ARHGEF1: variants seen among roughly 807,000 people sequenced by gnomAD.
The protein encoded by ARHGEF1 is Rho guanine nucleotide exchange factor 1, also known as 115 kDa guanine nucleotide exchange factor.
A neutral mutation model predicts 119.7 loss-of-function variants in ARHGEF1; 40 were observed. That is an observed-to-expected ratio of 0.33 (90% CI 0.26 to 0.44). ARHGEF1 has a LOEUF of 0.44. ARHGEF1 is among the 20% of genes least tolerant of loss of function. The probability of loss-of-function intolerance (pLI) is 1.00; values close to 1 mark genes in which losing one functional copy is unlikely to be tolerated. For synonymous variants in ARHGEF1, 494 were observed against 521.0 expected (o/e 0.95, Z 0.71); for missense variants, 976 against 1,268.3 (o/e 0.77, Z 3.50).
rs2074502756 is a variant in ARHGEF1 at position 41,896,830 on chromosome 19, A to ACCTCCCCTC, written c.1121+348_1121+349insCCTCCCCTC. 1.6e-4 allele frequency: 20 copies of ACCTCCCCTC among 128,936 alleles called. 1 individual carries two copies. The African/African-American group carries it at 3.5e-3, about 23-fold the overall frequency. The allele number at this position is 128,936 out of a possible 1,614,324, so 8.0% of individuals were successfully genotyped here. Reference sequence around the variant, plus strand: ...TCCCCTCTCCTCTCTCACCTCCCCCATCCTCTCTCACCTCCCCCCTCCTCT... The same window carrying ACCTCCCCTC: ...TCCCCTCTCCTCTCTCACCTCCCCCACCTCCCCTCTCCTCTCTCACCTCCCCCCTCCTCT... On this transcript the variant is annotated intron_variant, in intron 13 of 28. Transcript: ENST00000354532.
rs2074249865 is a variant in ARHGEF1 at position 41,883,319 on chromosome 19, C to T, written c.-20+30C>T. ...TCGGTCCCCGGCCCCGCCCGGCCTC[C>T]TCCCCTCGGCTGTTGGGGGAAGTGG... On this transcript the variant is annotated intron_variant, in intron 1 of 28. Coordinates refer to ENST00000354532, the MANE Select transcript of ARHGEF1 (RefSeq NM_004706.4). The surrounding 1 kb of genome is among the most constrained non-coding windows in gnomAD (Gnocchi z 7.6). 6.1e-6 allele frequency: 1 copy of T among 164,750 alleles called. No individual in the cohort carries two copies. Among genetic ancestry groups the T allele is most frequent in the Admixed American group, 6.5e-5 (1 of 15,386 alleles). 10.2% of individuals were successfully genotyped at this position (164,750 alleles called of 1,614,324 possible). A position where few individuals can be genotyped will look rare whatever the true frequency, so the allele number is the denominator to read the frequency against.
chr19:41,886,310 G>T (rs1555845243), intron 1 of ARHGEF1, among the ~76,000 whole-genome samples: 1 of 152,202 alleles, frequency 6.6e-6, no homozygotes, highest in East Asian at 1.9e-4. Context: ...TAAGAACTTG[G>T]CAAGTGCACA....
rs1301434164 is a variant in ARHGEF1 at position 41,916,426 on chromosome 19, C to A, written c.1866-6666C>A. 6.6e-6 allele frequency among the ~76,000 whole-genome samples: 1 copy of A among 152,166 alleles called. No individual in the cohort carries two copies. Among genetic ancestry groups the A allele is most frequent in the Non-Finnish European group, 1.5e-5 (1 of 68,040 alleles). ...ACCAACACTGTCACAGTCACACACA[C>A]ACACATCAGCATAGTCACAGATGCA... On this transcript the variant is annotated intron_variant, in intron 18 of 20. Coordinates refer to the ARHGEF1 transcript ENST00000599589. The surrounding 1 kb of genome is among the most constrained non-coding windows in gnomAD (Gnocchi z 5.4).
chr19:41,906,522 G>C lies in ARHGEF1; in HGVS notation c.2557G>C (p.Gly853Arg). The C allele has an allele frequency of 6.3e-7, 1 of 1,580,510 alleles. No individual in the cohort carries two copies. Among genetic ancestry groups the C allele is most frequent in the Non-Finnish European group, 8.5e-7 (1 of 1,171,598 alleles). The change falls in exon 27 of 29, where the codon GGG (glycine) becomes CGG (arginine). Residue 853 changes from glycine to arginine, a missense_variant. Around this residue, in one of 3 missense-constraint regions of ARHGEF1, gnomAD observed 171 missense variants for 180.6 expected, o/e 0.95. Transcript: ENST00000354532. This position sits in a 1 kb window ranked among gnomAD's most constrained non-coding sequence, Gnocchi z 4.5. ...EDNGAGPPRD[G>R]DGVPGGGPLS... ...CAATGGGGCGGGGCCTCCTCGAGAT[G>C]GGGATGGGGTCCCAGGGGGCGGCCC...
At chr19:41,884,468 A>T (rs782345889) in intron 1 of ARHGEF1, 2 of 1,607,124 alleles carry the variant, frequency 1.2e-6, no homozygotes, top group South Asian at 2.2e-5. Context: ...GGTGGCGGCG[A>T]TGGCTTCTCT....
chr19:41,906,724 C>A lies in ARHGEF1; in HGVS notation c.2677C>A (p.Arg893Ser). Residue 893 changes from arginine (R) to serine (S), a missense_variant, in exon 28 of 29, where the codon CGC becomes AGC. Arg to Ser is a moderately radical substitution (Grantham distance 110). Coordinates refer to ENST00000354532, the MANE Select transcript of ARHGEF1 (RefSeq NM_004706.4). This position sits in a 1 kb window ranked among gnomAD's most constrained non-coding sequence, Gnocchi z 4.5. ...QLEELEEEFC[R>S]LRPLLSQLGG... ...CCAGGAGTTGGAGGAGGAATTTTGC[C>A]GCCTGAGACCCCTCCTGTCTCAGCT... The A allele has an allele frequency of 6.2e-7, 1 of 1,609,830 alleles. No individual in the cohort carries two copies. The highest frequency in any genetic ancestry group is 2.2e-5 in the East Asian group (1 of 44,704).
At chr19:41,901,264 C>T (rs1208265979) in intron 14 of ARHGEF1, among the ~76,000 whole-genome samples, 1 of 152,056 alleles carries the variant, frequency 6.6e-6, no homozygotes, top group Non-Finnish European at 1.5e-5. Context: ...ATTCTCCTGC[C>T]TCAGCCTCCC....
chr19:41,894,323 C>T lies in ARHGEF1; in HGVS notation c.744+17C>T, dbSNP rs1555847041. On this transcript the variant is annotated intron_variant, in intron 9 of 28. Transcript: ENST00000354532. Reference sequence around the variant, plus strand: ...CGGAAAAAGGTGCTTCCCTCAGTGCCCCGTCCTGACCCTTTCCTCTCCAGA... The same window carrying T: ...CGGAAAAAGGTGCTTCCCTCAGTGCTCCGTCCTGACCCTTTCCTCTCCAGA... 2.6e-6 allele frequency: 4 copies of T among 1,524,920 alleles called. No homozygotes were observed. The highest frequency in any genetic ancestry group is 3.5e-6 in the Non-Finnish European group (4 of 1,132,932). The allele number at this position is 1,524,920 out of a possible 1,614,324, so 94.5% of individuals were successfully genotyped here.
At chr19:41,921,279 G>A (rs1475784819), upstream of ARHGEF1, among the ~76,000 whole-genome samples, 1 of 152,126 alleles carries the variant, frequency 6.6e-6, no homozygotes, top group Non-Finnish European at 1.5e-5. The surrounding 1 kb of genome is among the most constrained non-coding windows in gnomAD (Gnocchi z 4.4). Context: ...GGGGAGACAT[G>A]CAGGGAGGAA....
At position 41,902,621 on chromosome 19, in the gene ARHGEF1, A is replaced by G. The variant is rs369550986; in HGVS notation, c.1586A>G (p.Lys529Arg). The part of the protein sequence containing the change: ...QSFALEQLKA[K>R]QRKDPRFCAF... ...TTTGCCTTAGAGCAGCTCAAAGCCAAGCAACGCAAGGACCCTCGGTTCTGT... is the reference window on the plus strand; with the variant it reads ...TTTGCCTTAGAGCAGCTCAAAGCCAGGCAACGCAAGGACCCTCGGTTCTGT... Residue 529 changes from lysine to arginine, a missense_variant, in exon 17 of 29, where the codon AAG becomes AGG. Coordinates refer to ENST00000354532, the MANE Select transcript of ARHGEF1 (RefSeq NM_004706.4). This position sits in a 1 kb window ranked among gnomAD's most constrained non-coding sequence, Gnocchi z 6.5. 1.2e-5 allele frequency: 19 copies of G among 1,614,126 alleles called. No individual in the cohort carries two copies. Among genetic ancestry groups the G allele is most frequent in the African/African-American group, 4.0e-5 (3 of 74,952 alleles).
At chr19:41,899,228 A>T (rs2123480246) in intron 14 of ARHGEF1, among the ~76,000 whole-genome samples, 1 of 151,960 alleles carries the variant, frequency 6.6e-6, no homozygotes, top group East Asian at 2.0e-4. Context: ...GGCTCAAGTG[A>T]TCCTCCTACC....
downstream of ARHGEF1, chr19:41,908,399 G>T: frequency 1.6e-6 from 2 of 1,231,288 alleles, no homozygotes; most frequent in Non-Finnish European, 2.0e-6. The surrounding 1 kb of genome is among the most constrained non-coding windows in gnomAD (Gnocchi z 6.7). Flanking sequence ...GCAGCGCCAG[G>T]CGAGGGGCCG....
intron 11 of ARHGEF1, 76 bp from the exon 12 acceptor site, chr19:41,895,273 T>C (rs1309225907): frequency 6.5e-7 from 1 of 1,527,364 alleles, no homozygotes; most frequent in Non-Finnish European, 8.8e-7. Flanking sequence ...GAGCACAGCC[T>C]CTTGCATCCC....
chr19:41,907,486 C>A, downstream of ARHGEF1: 1 of 1,379,998 alleles, frequency 7.2e-7, no homozygotes, highest in South Asian at 1.4e-5. Context: ...TGGGGCCTGG[C>A]ATGGCGTCTG....
At chr19:41,884,952 T>A (rs1555845005) in intron 1 of ARHGEF1, among the ~76,000 whole-genome samples, 1 of 152,148 alleles carries the variant, frequency 6.6e-6, no homozygotes, top group Non-Finnish European at 1.5e-5. Context: ...AACGACTCTT[T>A]TAGGTTCTTT....
At chr19:41,915,906 T>C (rs1282475100) in intron 18 of ARHGEF1, among the ~76,000 whole-genome samples, 1 of 152,036 alleles carries the variant, frequency 6.6e-6, no homozygotes, top group African/African-American at 2.4e-5. Context: ...CCAGTGGCTG[T>C]GGATGGGGAG....
intron 18 of ARHGEF1, among the ~76,000 whole-genome samples, chr19:41,915,862 G>T (rs996066199): frequency 6.6e-6 from 1 of 152,194 alleles, no homozygotes; most frequent in African/African-American, 2.4e-5. Flanking sequence ...GGGCCTGGCA[G>T]GACGGCCGGA....
chr19:41,902,439 A>G lies in ARHGEF1; in HGVS notation c.1497+83A>G. 3 of 1,611,198 alleles carry G rather than the reference A, an allele frequency of 1.9e-6. No individual in the cohort carries two copies. The highest frequency in any genetic ancestry group is 2.5e-6 in the Non-Finnish European group (3 of 1,178,588). ...ACGGGTCCTGAGCCCACCCTACTCC[A>G]GTCCCAGGGTCTGGGCTTCCAGCCT... On this transcript the variant is annotated intron_variant, in intron 16 of 28. Transcript: ENST00000354532. This position sits in a 1 kb window ranked among gnomAD's most constrained non-coding sequence, Gnocchi z 6.5.
chr19:41,911,151 C>T (rs938206602), downstream of ARHGEF1, among the ~76,000 whole-genome samples: 4 of 152,278 alleles, frequency 2.6e-5, no homozygotes, highest in Admixed American at 6.5e-5. Context: ...CTGACACCCC[C>T]GGCTCACTCA....
Sources: gnomAD v4.1 joint callset for allele counts (sites outside exome capture counted in the v4.1 genomes callset) on GRCh38, gnomAD v4.1.1 for gene constraint, gnomAD v4.1.1 regional missense constraint, Gnocchi (gnomAD v3.1) non-coding constraint, MANE v1.5 for transcripts, NCBI Gene and HGNC (gene_info 2026-07-23, HGNC 2026-07-21) for gene names.